Variants in GAR1 observed in about 807,000 individuals in gnomAD.
GAR1 encodes the protein H/ACA ribonucleoprotein complex subunit 1.
A neutral mutation model predicts 29.3 loss-of-function variants in GAR1; 11 were observed. That is an observed-to-expected ratio of 0.38 (90% CI 0.24 to 0.62). The LOEUF is 0.62. Ranked by LOEUF, GAR1 falls within the 20% of genes least tolerant of loss-of-function variation. The pLI, the probability that GAR1 is intolerant of heterozygous loss-of-function variation, is 0.62. For missense variants in GAR1, 237 were observed against 268.4 expected (o/e 0.88, Z 0.82); for synonymous variants, 87 against 93.3 (o/e 0.93, Z 0.39).
intron 4 of GAR1, among the ~76,000 whole-genome samples, chr4:109,822,115 C>G (rs1316501434): frequency 9.1e-6 from 1 of 110,382 alleles, no homozygotes; most frequent in South Asian, 3.4e-4. Context: ...ACCTATGTAA[C>G]AAACCTGCAC....
upstream of GAR1, chr4:109,815,625 G>T: frequency 6.1e-6 from 1 of 163,856 alleles, no homozygotes; most frequent in Non-Finnish European, 1.4e-5. Context: ...GGCTGTTTTG[G>T]AACCAGTGTT....
At chr4:109,823,925 T>A in intron 5 of GAR1, 40 bp from the exon 6 acceptor site, 5 of 1,274,652 alleles carry the variant, frequency 3.9e-6, no homozygotes, top group Non-Finnish European at 5.7e-6. Context: ...TCTATTGTTA[T>A]TTAAATACTT....
In GAR1 at chr4:109,817,924, G is replaced by T. The variant is rs2125888629; in HGVS notation, c.215-12G>T. ...TAGTTCTATGTTTTAACATTTTCTTGTCCTGTTTCAGTATTAGGAGAGTTC... is the reference window on the plus strand; with the variant it reads ...TAGTTCTATGTTTTAACATTTTCTTTTCCTGTTTCAGTATTAGGAGAGTTC... On this transcript the variant is annotated splice_polypyrimidine_tract_variant and intron_variant, in intron 2 of 6. Transcript: ENST00000226796. The T allele has an allele frequency of 2.5e-6, 4 of 1,591,348 alleles. No homozygotes were observed. The highest frequency in any genetic ancestry group is 3.4e-6 in the Non-Finnish European group (4 of 1,170,020).
rs768334386 is a variant in GAR1 at position 109,816,294 on chromosome 4, G to C, written c.130G>C (p.Gly44Arg). The C allele has an allele frequency of 6.2e-7, 1 of 1,612,100 alleles. No individual in the cohort carries two copies. Among genetic ancestry groups the C allele is most frequent in the Non-Finnish European group, 8.5e-7 (1 of 1,179,448 alleles). ...GGGGGGNFRG[G>R]GRGGFGRGGG... The stretch of plus-strand genomic sequence containing the variant: ...TGGAGGCGGCGGCAATTTCAGAGGC[G>C]GCGGCAGGGGAGGATTTGGACGAGG... Residue 44 changes from glycine (G) to arginine (R), a missense_variant, in exon 2 of 7, where the codon GGC (glycine) becomes CGC (arginine). Coordinates refer to ENST00000226796, the MANE Select transcript of GAR1 (RefSeq NM_018983.4).
chr4:109,816,264 G>A lies in GAR1; in HGVS notation c.100G>A (p.Gly34Ser), dbSNP rs1160410246. The A allele has an allele frequency of 4.4e-6, 7 of 1,604,516 alleles. No individual in the cohort carries two copies. The highest frequency in any genetic ancestry group is 2.2e-5 in the South Asian group (2 of 90,590). ...CAGCAACCACTTCCGAGGTGGAGGC[G>A]GCGGTGGAGGCGGCGGCAATTTCAG... is the stretch of plus-strand genomic sequence containing the variant. ...GSSNHFRGGG[G>S]GGGGGNFRGG... The change falls in exon 2 of 7, where the codon GGC becomes AGC. Residue 34 changes from glycine to serine, a missense_variant. Physicochemically the swap from Gly to Ser is moderately conservative, Grantham distance 56 (BLOSUM62 0). Coordinates refer to ENST00000226796, the MANE Select transcript of GAR1 (RefSeq NM_018983.4).
rs767509635 is a variant in GAR1 at position 109,819,303 on chromosome 4, GT to G, written c.429+244del. On this transcript the variant is annotated intron_variant, in intron 4 of 6. Coordinates refer to ENST00000226796, the MANE Select transcript of GAR1 (RefSeq NM_018983.4). ...TTACCAAAATCTGTAAACTGCTAGA[GT>G]AAGAGTTTTTTGTTTATGTAAAACT... 1.1e-4 allele frequency: 53 copies of G among 485,644 alleles called. 1 individual carries two copies. The East Asian group carries it at 1.9e-3, about 17-fold the overall frequency. The allele number at this position is 485,644 out of a possible 1,614,324, so 30.1% of individuals were successfully genotyped here. A position where few individuals can be genotyped will look rare whatever the true frequency, so the allele number is the denominator to read the frequency against.
chr4:109,824,053 T>C lies in GAR1; in HGVS notation c.640+20T>C. 2 of 1,463,064 alleles carry C rather than the reference T, an allele frequency of 1.4e-6. No individual in the cohort carries two copies. The highest frequency in any genetic ancestry group is 1.9e-6 in the Non-Finnish European group (2 of 1,050,828). The allele number at this position is 1,463,064 out of a possible 1,614,324, so 90.6% of individuals were successfully genotyped here. A position where few individuals can be genotyped will look rare whatever the true frequency, so the allele number is the denominator to read the frequency against. On this transcript the variant is annotated intron_variant, in intron 6 of 6. Coordinates refer to ENST00000226796, the MANE Select transcript of GAR1 (RefSeq NM_018983.4). The stretch of plus-strand genomic sequence containing the variant: ...TCAGAGGTGAGTATTTTAAAAAGTC[T>C]TTAAATTGCTTAATGTTTAAAATTG...
intron 4 of GAR1, chr4:109,819,270 TG>T: frequency 1.8e-6 from 1 of 565,100 alleles, no homozygotes; most frequent in Non-Finnish European, 3.1e-6. Context: ...TTACAACTTT[TG>T]CTCATATTAC....
chr4:109,816,370 G>A lies in GAR1; in HGVS notation c.206G>A (p.Arg69His). ...GGCCAAGACCAAGGACCTCCAGAAC[G>A]TGTAGTCTGTATGCAGTCTTCAGTA... Reference protein sequence around the residue: ...NKGQDQGPPERVVLLGEFLHP... With the variant: ...NKGQDQGPPEHVVLLGEFLHP... Residue 69 changes from arginine to histidine, a missense_variant, in exon 2 of 7, where the codon CGT (arginine) becomes CAT (histidine). Coordinates refer to ENST00000226796, the MANE Select transcript of GAR1 (RefSeq NM_018983.4). The A allele has an allele frequency of 6.2e-7, 1 of 1,613,702 alleles. No homozygotes were observed. The highest frequency in any genetic ancestry group is 8.5e-7 in the Non-Finnish European group (1 of 1,179,784).
At position 109,823,513 on chromosome 4, in the gene GAR1, T is replaced by C. The variant is rs1487876610; in HGVS notation, c.572-452T>C. ...AATCTTACTTATGTAGCTCAGTTAA[T>C]CTTAACTATCATATTTATTATCTTA... is the stretch of plus-strand genomic sequence containing the variant. On this transcript the variant is annotated intron_variant, in intron 5 of 6. Transcript: ENST00000226796. Among the ~76,000 whole-genome samples the C allele has an allele frequency of 3.3e-5, 5 of 152,270 alleles. No homozygotes were observed. In the East Asian group the frequency reaches 7.7e-4, roughly 24 times the overall value.
intron 5 of GAR1, among the ~76,000 whole-genome samples, 185 bp from the exon 6 acceptor site, chr4:109,823,780 T>C (rs1733579696): frequency 6.6e-6 from 1 of 152,204 alleles, no homozygotes; most frequent in East Asian, 1.9e-4. Flanking sequence ...TTCTCCATTT[T>C]TATCTTCTAA....
intron 2 of GAR1, 109 bp from the exon 3 acceptor site, chr4:109,817,827 G>T (rs988612138): frequency 3.8e-6 from 3 of 782,820 alleles, no homozygotes; most frequent in Non-Finnish European, 6.3e-6. Context: ...CCTCAGAGGA[G>T]AGCAGTTATG....
intron 4 of GAR1, among the ~76,000 whole-genome samples, chr4:109,822,085 A>G (rs186980285): frequency 2.5e-4 from 38 of 151,330 alleles, no homozygotes; most frequent in Admixed American, 6.6e-4. Flanking sequence ...AGGTGCAGCA[A>G]ACCACCATGG....
intron 5 of GAR1, 44 bp from the exon 6 acceptor site, chr4:109,823,921 G>A: frequency 1.6e-6 from 2 of 1,232,772 alleles, no homozygotes; most frequent in East Asian, 2.3e-5. Context: ...ATATTCTATT[G>A]TTATTTAAAT....
intron 2 of GAR1, among the ~76,000 whole-genome samples, chr4:109,817,216 A>G (rs1306028578): frequency 6.6e-6 from 1 of 152,172 alleles, no homozygotes; most frequent in African/African-American, 2.4e-5. Context: ...AAAAAAAGGA[A>G]GGGTTAGATA....
chr4:109,820,147 A>G (rs1733474635), intron 4 of GAR1, among the ~76,000 whole-genome samples: 1 of 152,186 alleles, frequency 6.6e-6, no homozygotes, highest in Non-Finnish European at 1.5e-5. Flanking sequence ...CGGTAGTGAC[A>G]GTGGAAATGG....
intron 4 of GAR1, among the ~76,000 whole-genome samples, chr4:109,820,328 GA>G (rs1733478714): frequency 6.6e-6 from 1 of 152,138 alleles, no homozygotes; most frequent in Non-Finnish European, 1.5e-5. Flanking sequence ...AGAGGAGGGG[GA>G]TTGGGGGAAG....
intron 2 of GAR1, 89 bp downstream of exon 2, chr4:109,816,467 G>T: frequency 8.2e-7 from 1 of 1,223,788 alleles, no homozygotes; most frequent in Non-Finnish European, 1.2e-6. Context: ...GGATACACAA[G>T]CCTGTGTGGA....
Position 109,817,925 on chromosome 4 carries a change from T to C in GAR1, c.215-11T>C, listed in dbSNP as rs765785793. The C allele has an allele frequency of 1.3e-6, 2 of 1,592,064 alleles. No individual in the cohort carries two copies. The highest frequency in any genetic ancestry group is 4.5e-5 in the East Asian group (2 of 44,696). On this transcript the variant is annotated splice_polypyrimidine_tract_variant and intron_variant, in intron 2 of 6. Coordinates refer to ENST00000226796, the MANE Select transcript of GAR1 (RefSeq NM_018983.4). ...AGTTCTATGTTTTAACATTTTCTTG[T>C]CCTGTTTCAGTATTAGGAGAGTTCC...
Sources: gnomAD v4.1 joint callset for allele counts (sites outside exome capture counted in the v4.1 genomes callset) on GRCh38, gnomAD v4.1.1 for gene constraint, MANE v1.5 for transcripts, NCBI Gene and HGNC (gene_info 2026-07-23, HGNC 2026-07-21) for gene names.